The following JAM3 variants were observed in gnomAD, a reference collection of about 807,000 sequenced individuals.
JAM3 encodes the protein junctional adhesion molecule 3, also known as junctional adhesion molecule C.
In JAM3, 31 loss-of-function variants were observed where a neutral mutation model predicts 39.4. The observed-to-expected ratio is 0.79, with a 90% CI of 0.59 to 1.06. JAM3 has a LOEUF of 1.06. JAM3 is among the 50% of genes least tolerant of loss of function. JAM3 has a pLI of 0.00. For missense variants in JAM3, 455 were observed against 391.4 expected, an observed-to-expected ratio of 1.16 and a Z score of -1.37; for synonymous variants, 182 against 148.7, an observed-to-expected ratio of 1.22 and a Z score of -1.63.
rs559054700 is a variant in JAM3, at chr11:134,080,115, A to G, written c.76+10956A>G. On this transcript the variant is annotated intron_variant, in intron 1 of 8. Transcript: ENST00000299106. Reference sequence around the variant, plus strand: ...TGGTTGGGTTGTTATTTTTAATTCAATCTGATTTCTAAGCATCAGATATGA... The same window carrying G: ...TGGTTGGGTTGTTATTTTTAATTCAGTCTGATTTCTAAGCATCAGATATGA... 1.5e-4 allele frequency among the ~76,000 whole-genome samples: 23 copies of G among 152,324 alleles called. No homozygotes were observed. In the South Asian group the frequency reaches 3.7e-3, roughly 25 times the overall value.
chr11:134,122,005 G>A (rs1418984387), intron 1 of JAM3, among the ~76,000 whole-genome samples: 1 of 152,176 alleles, frequency 6.6e-6, no homozygotes, highest in South Asian at 2.1e-4. Context: ...GTTGTGTTTT[G>A]AAATGGAGAA....
At chr11:134,082,087 A>T (rs1036308650) in intron 1 of JAM3, among the ~76,000 whole-genome samples, 6 of 151,924 alleles carry the variant, frequency 3.9e-5, no homozygotes, top group Non-Finnish European at 7.4e-5. Flanking sequence ...TTGGAGCTTT[A>T]AGACTTGACT....
chr11:134,103,238 C>T (rs1425804441), intron 1 of JAM3, among the ~76,000 whole-genome samples: 1 of 152,064 alleles, frequency 6.6e-6, no homozygotes, highest in Admixed American at 6.6e-5. Flanking sequence ...ATTTTCAACC[C>T]AGAATTTCAT....
At chr11:134,143,459 C>A (rs1020423339) in intron 3 of JAM3, among the ~76,000 whole-genome samples, 1 of 152,114 alleles carries the variant, frequency 6.6e-6, no homozygotes, top group Non-Finnish European at 1.5e-5. Flanking sequence ...GACATGAATT[C>A]CCAGGCTCAA....
chr11:134,138,854 C>T (rs769525017), intron 1 of JAM3, among the ~76,000 whole-genome samples: 2 of 152,126 alleles, frequency 1.3e-5, no homozygotes, highest in African/African-American at 2.4e-5. Context: ...AAGAAAAGAT[C>T]CATGTAGCTG....
chr11:134,103,601 C>T (rs571125807), intron 1 of JAM3, among the ~76,000 whole-genome samples: 2 of 152,264 alleles, frequency 1.3e-5, no homozygotes, highest in Admixed American at 6.5e-5. Flanking sequence ...CATCAGTGTG[C>T]TGTATTCAGG....
At chr11:134,104,491 A>C (rs1942142172) in intron 1 of JAM3, among the ~76,000 whole-genome samples, 2 of 152,222 alleles carry the variant, frequency 1.3e-5, no homozygotes. Flanking sequence ...AGCAGAAGGC[A>C]AGAAATAACT....
At chr11:134,102,209 A>G (rs1247212114) in intron 1 of JAM3, among the ~76,000 whole-genome samples, 2 of 152,204 alleles carry the variant, frequency 1.3e-5, no homozygotes, top group East Asian at 1.9e-4. Context: ...GTTCAGCAGT[A>G]TTCGCTGTCC....
In JAM3 at chr11:134,140,013, C is replaced by A. The variant is rs931104144; in HGVS notation, c.142+97C>A. The A allele has an allele frequency of 6.1e-6, 6 of 990,446 alleles. No individual in the cohort carries two copies. The African/African-American group carries it at 8.0e-5, about 13-fold the overall frequency. The allele number at this position is 990,446 out of a possible 1,614,324, so 61.4% of individuals were successfully genotyped here. On this transcript the variant is annotated intron_variant, in intron 2 of 8. Transcript: ENST00000299106. ...GGACACATCTGTCTCTGTAAGTGTGCCAGGGAGATGTTCCGGGTGGACTGC... is the reference window on the plus strand; with the variant it reads ...GGACACATCTGTCTCTGTAAGTGTGACAGGGAGATGTTCCGGGTGGACTGC...
intron 1 of JAM3, among the ~76,000 whole-genome samples, chr11:134,072,802 C>G (rs1001060416): frequency 6.6e-6 from 1 of 152,136 alleles, no homozygotes; most frequent in African/African-American, 2.4e-5. Flanking sequence ...CCCAGCTACT[C>G]TGGAGGCTGA....
chr11:134,117,518 C>T (rs906873155), intron 1 of JAM3, among the ~76,000 whole-genome samples: 1 of 152,194 alleles, frequency 6.6e-6, no homozygotes. Flanking sequence ...GTGAACATCT[C>T]AGAATTCAAC....
In JAM3 at chr11:134,148,803, C is replaced by A. The variant is rs1222197444; in HGVS notation, c.882C>A (p.Ile294=). 3 of 1,613,992 alleles carry A rather than the reference C, an allele frequency of 1.9e-6. No homozygotes were observed. In the African/African-American group the frequency reaches 4.0e-5, roughly 22 times the overall value. Reference sequence around the variant, plus strand: ...GGAAACCAGATGGAGTTAACTACATCCGCACTGACGAGGAGGTAATCATTT... The same window carrying A: ...GGAAACCAGATGGAGTTAACTACATACGCACTGACGAGGAGGTAATCATTT... The part of the protein sequence containing the change: ...NPGKPDGVNY[I]RTDEEGDFRH... The change falls in exon 8 of 9, where the codon ATC becomes ATA. Residue 294 remains isoleucine (I), a synonymous_variant. Transcript: ENST00000299106.
intron 3 of JAM3, among the ~76,000 whole-genome samples, chr11:134,141,844 C>A (rs1338881098): frequency 6.6e-6 from 1 of 151,894 alleles, no homozygotes; most frequent in Non-Finnish European, 1.5e-5. Context: ...AGGAGGTACA[C>A]ATGCAGGCTC....
At chr11:134,099,056 C>G (rs1435147277) in intron 1 of JAM3, among the ~76,000 whole-genome samples, 1 of 151,954 alleles carries the variant, frequency 6.6e-6, no homozygotes, top group East Asian at 1.9e-4. Context: ...AAAAATTAGC[C>G]ATGTGTGGTG....
intron 1 of JAM3, among the ~76,000 whole-genome samples, chr11:134,072,864 T>C (rs1253116337): frequency 6.6e-6 from 1 of 152,004 alleles, no homozygotes; most frequent in Non-Finnish European, 1.5e-5. Flanking sequence ...GAGCTGAGAT[T>C]GCGCCACTGC....
chr11:134,140,003 T>A (rs965269193), intron 2 of JAM3, 87 bp downstream of exon 2: 1 of 1,051,738 alleles, frequency 9.5e-7, no homozygotes, highest in African/African-American at 1.6e-5. Context: ...CATCTGTCTC[T>A]GTAAGTGTGC....
chr11:134,110,900 A>T (rs764003234), intron 1 of JAM3, among the ~76,000 whole-genome samples: 2 of 152,034 alleles, frequency 1.3e-5, no homozygotes, highest in Non-Finnish European at 2.9e-5. Flanking sequence ...TTGGGCTCTG[A>T]TGTGTGGCCA....
chr11:134,085,451 C>T (rs916009168), intron 1 of JAM3, among the ~76,000 whole-genome samples: 3 of 152,122 alleles, frequency 2.0e-5, no homozygotes, highest in Admixed American at 6.6e-5. Context: ...AATTAATAAA[C>T]ATATTGTTAT....
At chr11:134,072,556 C>T (rs1195167434) in intron 1 of JAM3, among the ~76,000 whole-genome samples, 2 of 152,312 alleles carry the variant, frequency 1.3e-5, no homozygotes, top group Non-Finnish European at 2.9e-5. Flanking sequence ...GTGACCTGCC[C>T]GCCTTGGCCT....
Sources: gnomAD v4.1 joint callset for allele counts (sites outside exome capture counted in the v4.1 genomes callset) on GRCh38, gnomAD v4.1.1 for gene constraint, MANE v1.5 for transcripts, NCBI Gene and HGNC (gene_info 2026-07-23, HGNC 2026-07-21) for gene names.